Variants in SH3RF3 observed in about 807,000 individuals in gnomAD.
The protein encoded by SH3RF3 is E3 ubiquitin-protein ligase SH3RF3.
A neutral mutation model predicts 66.3 loss-of-function variants in SH3RF3; 29 were observed. The ratio of observed to expected loss-of-function variants is 0.44; its 90% CI spans 0.33 to 0.60. The LOEUF (loss-of-function observed/expected upper bound fraction) is 0.60, where lower values mean the gene tolerates loss of function less well. Ranked by LOEUF, SH3RF3 falls within the 20% of genes least tolerant of loss-of-function variation. The probability of loss-of-function intolerance (pLI) is 0.04; values close to 1 mark genes in which losing one functional copy is unlikely to be tolerated. For missense variants in SH3RF3, 1,194 were observed against 1,190.9 expected, an observed-to-expected ratio of 1.00 and a Z score of -0.04; for synonymous variants, 583 against 532.0, an observed-to-expected ratio of 1.10 and a Z score of -1.32.
At chr2:109,139,735 G>A (rs1676896263) in intron 1 of SH3RF3, among the ~76,000 whole-genome samples, 1 of 152,198 alleles carries the variant, frequency 6.6e-6, no homozygotes, top group South Asian at 2.1e-4. Context: ...GCCTCACAGT[G>A]CAGAAGGGCA....
intron 1 of SH3RF3, among the ~76,000 whole-genome samples, chr2:109,222,115 C>T (rs1454696827): frequency 2.6e-5 from 4 of 152,000 alleles, no homozygotes; most frequent in African/African-American, 7.3e-5. Context: ...AAATATTGGA[C>T]GATCTCACTC....
In SH3RF3 at chr2:109,138,808, A is replaced by G. The variant is rs553075583; in HGVS notation, c.573+8695A>G. Among the ~76,000 whole-genome samples, 10 of 152,334 alleles carry G rather than the reference A, an allele frequency of 6.6e-5. No homozygotes were observed. The East Asian group carries it at 1.7e-3, about 26-fold the overall frequency. On this transcript the variant is annotated intron_variant, in intron 1 of 9. Transcript: ENST00000309415. ...CCCAGAACGAGTGATGTTAATAATT[A>G]ATTCAGTCCACACATATGTACTGAC...
At chr2:109,251,443 G>A in intron 1 of SH3RF3, 6 of 717,574 alleles carry the variant, frequency 8.4e-6, no homozygotes, top group South Asian at 2.7e-5. Context: ...TCACCCTCCC[G>A]AGTTGAAAAA....
At chr2:109,206,156 T>C (rs1300612380) in intron 1 of SH3RF3, among the ~76,000 whole-genome samples, 1 of 152,134 alleles carries the variant, frequency 6.6e-6, no homozygotes, top group Non-Finnish European at 1.5e-5. Flanking sequence ...TAGAATGTTA[T>C]TCTGGGGACA....
At chr2:109,330,509 C>T (rs1227935219) in intron 1 of SH3RF3, among the ~76,000 whole-genome samples, 2 of 152,134 alleles carry the variant, frequency 1.3e-5, no homozygotes, top group Admixed American at 6.5e-5. Context: ...CAGGGGGTGT[C>T]CCCCCTTGTA....
chr2:109,410,808 C>G (rs564449444), intron 4 of SH3RF3, among the ~76,000 whole-genome samples: 1 of 152,050 alleles, frequency 6.6e-6, no homozygotes, highest in Non-Finnish European at 1.5e-5. Context: ...GGCGCGACTT[C>G]GTGGGAGACA....
At chr2:109,305,748 T>C (rs914243107) in intron 1 of SH3RF3, among the ~76,000 whole-genome samples, 3 of 152,190 alleles carry the variant, frequency 2.0e-5, no homozygotes, top group Non-Finnish European at 4.4e-5. Context: ...TTCCAGGCAG[T>C]GTTCTCTGCG....
intron 1 of SH3RF3, among the ~76,000 whole-genome samples, chr2:109,315,046 T>C (rs1681840915): frequency 6.6e-6 from 1 of 152,170 alleles, no homozygotes; most frequent in African/African-American, 2.4e-5. Flanking sequence ...AGCGACCACA[T>C]TGAAGAGCCC....
intron 8 of SH3RF3, among the ~76,000 whole-genome samples, chr2:109,476,227 G>A (rs1486272942): frequency 6.6e-6 from 1 of 152,190 alleles, no homozygotes; most frequent in Non-Finnish European, 1.5e-5. Flanking sequence ...CCCCCACCAG[G>A]CCTGCTAGCA....
intron 8 of SH3RF3, among the ~76,000 whole-genome samples, chr2:109,453,672 G>A (rs1265447224): frequency 2.0e-5 from 3 of 152,192 alleles, no homozygotes; most frequent in South Asian, 4.1e-4. Context: ...GCAGGCACAC[G>A]GTTCATAATG....
chr2:109,192,230 C>T (rs1311481200), intron 1 of SH3RF3, among the ~76,000 whole-genome samples: 1 of 152,176 alleles, frequency 6.6e-6, no homozygotes, highest in Non-Finnish European at 1.5e-5. Context: ...CTGTCTGTAT[C>T]TAAGCAGGGA....
rs374222970 is a variant in SH3RF3 at position 109,283,729 on chromosome 2, T to G, written c.574-63945T>G. 2.0e-4 allele frequency among the ~76,000 whole-genome samples: 31 copies of G among 152,346 alleles called. 1 individual carries two copies. The South Asian group carries it at 2.1e-3, about 10-fold the overall frequency. ...TTGAGAATTGGGGATGCTAAATCGC[T>G]GGCCTGAGCCACAGAGGTGCTACGT... On this transcript the variant is annotated intron_variant, in intron 1 of 9. Transcript: ENST00000309415.
chr2:109,369,396 C>T (rs914030592), intron 2 of SH3RF3, among the ~76,000 whole-genome samples: 2 of 152,188 alleles, frequency 1.3e-5, no homozygotes, highest in African/African-American at 2.4e-5. Context: ...CAACGCTGAG[C>T]GTTGCTGGAG....
chr2:109,358,962 G>A (rs552596796), intron 2 of SH3RF3, among the ~76,000 whole-genome samples: 97 of 152,234 alleles, frequency 6.4e-4, no homozygotes, highest in African/African-American at 2.2e-3. Flanking sequence ...ATTTTTGTGA[G>A]GGGTGGAATG....
chr2:109,400,513 C>T (rs1439446559), intron 4 of SH3RF3, among the ~76,000 whole-genome samples: 1 of 151,974 alleles, frequency 6.6e-6, no homozygotes, highest in Non-Finnish European at 1.5e-5. Context: ...ATACACCCCT[C>T]CAGGTGCACA....
chr2:109,212,448 T>C (rs997312684), intron 1 of SH3RF3, among the ~76,000 whole-genome samples: 1 of 152,230 alleles, frequency 6.6e-6, no homozygotes, highest in African/African-American at 2.4e-5. Flanking sequence ...TACAAAAGTC[T>C]CAAAATGAAT....
At chr2:109,198,315 A>G (rs932352657) in intron 1 of SH3RF3, among the ~76,000 whole-genome samples, 11 of 152,152 alleles carry the variant, frequency 7.2e-5, no homozygotes, top group Non-Finnish European at 1.2e-4. Flanking sequence ...GACCCTGAGG[A>G]ATAAATTATC....
At chr2:109,470,269 G>A (rs1471861245) in intron 8 of SH3RF3, among the ~76,000 whole-genome samples, 2 of 152,162 alleles carry the variant, frequency 1.3e-5, no homozygotes, top group African/African-American at 4.8e-5. Flanking sequence ...TTAGAAGGAT[G>A]ACCCACAGCA....
intron 1 of SH3RF3, among the ~76,000 whole-genome samples, chr2:109,188,597 C>T (rs538106463): frequency 4.6e-5 from 7 of 152,304 alleles, no homozygotes; most frequent in Non-Finnish European, 7.3e-5. Flanking sequence ...GTCCCCTCTC[C>T]GGCAGCAGTT....
Sources: allele counts gnomAD v4.1 joint callset (sites outside exome capture counted in the v4.1 genomes callset), GRCh38; gene constraint gnomAD v4.1.1; transcripts MANE v1.5; gene names NCBI Gene and HGNC (gene_info 2026-07-23, HGNC 2026-07-21).